Variants in DLC1 observed in about 807,000 individuals in gnomAD.
DLC1 encodes DLC1 Rho GTPase activating protein.
Under a neutral mutation model 140.3 loss-of-function variants are expected in DLC1, and 54 were observed. The ratio of observed to expected loss-of-function variants is 0.38; its 90% CI spans 0.31 to 0.48. The LOEUF (loss-of-function observed/expected upper bound fraction) is 0.48, where lower values mean the gene tolerates loss of function less well. DLC1 is among the 20% of genes least tolerant of loss of function. DLC1 has a pLI of 0.96. For synonymous variants in DLC1, 986 were observed against 728.1 expected (o/e 1.35, Z -5.70); for missense variants, 2,536 against 1,907.0 (o/e 1.33, Z -6.14).
chr8:13,103,762 C>T (rs911170501), intron 7 of DLC1, among the ~76,000 whole-genome samples: 8 of 149,388 alleles, frequency 5.4e-5, no homozygotes, highest in Non-Finnish European at 1.2e-4. Context: ...ATCGCTTGAA[C>T]CTGGGAGGTG....
At chr8:13,370,946 C>T (rs1377866167) in intron 4 of DLC1, among the ~76,000 whole-genome samples, 1 of 152,144 alleles carries the variant, frequency 6.6e-6, no homozygotes, top group East Asian at 1.9e-4. Flanking sequence ...AAGGGAACTG[C>T]AGTGTTTAAT....
intron 1 of DLC1, among the ~76,000 whole-genome samples, chr8:13,574,385 C>G (rs1241788565): frequency 1.3e-5 from 2 of 152,078 alleles, no homozygotes; most frequent in Non-Finnish European, 2.9e-5. Context: ...TCTTAACGCT[C>G]AAACTTAATA....
chr8:13,094,426 G>A (rs908916883), intron 12 of DLC1, among the ~76,000 whole-genome samples: 2 of 152,166 alleles, frequency 1.3e-5, no homozygotes, highest in African/African-American at 4.8e-5. Flanking sequence ...AGCACTCTGG[G>A]AGGCCGAGGT....
intron 2 of DLC1, among the ~76,000 whole-genome samples, chr8:13,467,260 T>C (rs535916239): frequency 1.3e-5 from 2 of 152,272 alleles, no homozygotes; most frequent in East Asian, 1.9e-4. Flanking sequence ...CTTCAAAAAT[T>C]TGATTTTTCA....
At chr8:13,577,315 A>C (rs34621320) in intron 1 of DLC1, among the ~76,000 whole-genome samples, 38,952 of 152,048 alleles carry the variant, frequency 0.26, 5,938 homozygotes, top group Non-Finnish European at 0.35. Flanking sequence ...CATGACAAGG[A>C]CTCCATCTAA....
At chr8:13,536,509 C>G (rs929222715) in intron 1 of DLC1, among the ~76,000 whole-genome samples, 5 of 152,174 alleles carry the variant, frequency 3.3e-5, no homozygotes, top group African/African-American at 1.2e-4. Context: ...ATTGGAACCT[C>G]TCATTATGCC....
At chr8:13,358,555 G>GT (rs150620631) in intron 4 of DLC1, among the ~76,000 whole-genome samples, 1,547 of 151,490 alleles carry the variant, frequency 0.01, 13 homozygotes, top group Non-Finnish European at 0.013. Flanking sequence ...TGTAAGAAAA[G>GT]TTTTTTTTTC....
chr8:13,169,188 TTTGA>T (rs1293270158), intron 5 of DLC1, among the ~76,000 whole-genome samples: 1 of 152,224 alleles, frequency 6.6e-6, no homozygotes, highest in East Asian at 1.9e-4. Flanking sequence ...ATTTTTAACC[TTTGA>T]TTGGTTTGTT....
At chr8:13,526,901 C>A (rs1802935666) in intron 1 of DLC1, among the ~76,000 whole-genome samples, 1 of 152,016 alleles carries the variant, frequency 6.6e-6, no homozygotes, top group Admixed American at 6.6e-5. Context: ...TGCACATGTA[C>A]CTTAGAACTT....
chr8:13,415,084 T>C (rs1183844930), intron 2 of DLC1, among the ~76,000 whole-genome samples: 1 of 152,140 alleles, frequency 6.6e-6, no homozygotes, highest in Non-Finnish European at 1.5e-5. Flanking sequence ...AATGCTGGGA[T>C]TATGGGCGTG....
Position 13,099,694 on chromosome 8 carries a change from G to A in DLC1, c.2643C>T (p.Asn881=), listed in dbSNP as rs552654452. ...SMSSRLSIYD[N]VPGSILYSSS... is the part of the protein sequence containing the mutation. ...TGGAGTAGAGGATGGAGCCCGGCACGTTGTCGTAGATGCTCAGGCGGCTGC... is the reference window on the plus strand; with the variant it reads ...TGGAGTAGAGGATGGAGCCCGGCACATTGTCGTAGATGCTCAGGCGGCTGC... The change falls in exon 9 of 18, where the codon AAC becomes AAT. Residue 881 remains asparagine, a synonymous_variant. Coordinates refer to ENST00000276297, the MANE Select transcript of DLC1 (RefSeq NM_182643.3). 1 of 1,614,196 alleles carries A rather than the reference G, an allele frequency of 6.2e-7. No individual in the cohort carries two copies. Among genetic ancestry groups the A allele is most frequent in the East Asian group, 2.2e-5 (1 of 44,876 alleles).
chr8:13,482,735 A>C (rs994749203), intron 2 of DLC1, among the ~76,000 whole-genome samples: 13 of 152,218 alleles, frequency 8.5e-5, no homozygotes, highest in Non-Finnish European at 1.6e-4. Context: ...GAATAGGATT[A>C]ATGATTATTG....
chr8:13,379,597 G>T (rs932488752), intron 4 of DLC1, among the ~76,000 whole-genome samples: 8 of 152,150 alleles, frequency 5.3e-5, no homozygotes, highest in Non-Finnish European at 1.2e-4. Flanking sequence ...TCAAATCATT[G>T]TAAATTGGGG....
chr8:13,362,268 A>T (rs1238946161), intron 4 of DLC1, among the ~76,000 whole-genome samples: 1 of 152,218 alleles, frequency 6.6e-6, no homozygotes, highest in East Asian at 1.9e-4. Context: ...GACTTACTGG[A>T]AGTTCACCAG....
At chr8:13,266,566 GA>G (rs1343494173) in intron 5 of DLC1, among the ~76,000 whole-genome samples, 2 of 151,984 alleles carry the variant, frequency 1.3e-5, no homozygotes, top group African/African-American at 4.8e-5. Context: ...CCAACATGGT[GA>G]AACCCCATCT....
At chr8:13,114,993 C>T (rs1411023630) in intron 6 of DLC1, among the ~76,000 whole-genome samples, 1 of 152,134 alleles carries the variant, frequency 6.6e-6, no homozygotes, top group Non-Finnish European at 1.5e-5. Flanking sequence ...CAAGATGAAT[C>T]ATTATGCATG....
chr8:13,513,180 A>G (rs1374905800), intron 1 of DLC1, among the ~76,000 whole-genome samples: 1 of 152,010 alleles, frequency 6.6e-6, no homozygotes, highest in Non-Finnish European at 1.5e-5. Flanking sequence ...GTCACTTTTA[A>G]ATCCCATTTC....
chr8:13,451,473 A>G (rs1359452014), intron 2 of DLC1, among the ~76,000 whole-genome samples: 1 of 152,072 alleles, frequency 6.6e-6, no homozygotes, highest in African/African-American at 2.4e-5. Flanking sequence ...TATTCATTCT[A>G]TTTTTTATAC....
intron 8 of DLC1, among the ~76,000 whole-genome samples, chr8:13,101,661 C>A (rs79717353): frequency 0.033 from 5,018 of 152,222 alleles, 271 homozygotes; most frequent in African/African-American, 0.11. Context: ...TCCCCTCCCC[C>A]ACAAGACATG....
Sources: allele counts gnomAD v4.1 joint callset (sites outside exome capture counted in the v4.1 genomes callset), GRCh38; gene constraint gnomAD v4.1.1; transcripts MANE v1.5; gene names NCBI Gene and HGNC (gene_info 2026-07-23, HGNC 2026-07-21).